The following ABCA13 variants were observed in gnomAD, a reference collection of about 807,000 sequenced individuals.
ABCA13 encodes the protein ATP binding cassette subfamily A member 13.
ABCA13 carries 476 observed loss-of-function variants against 478.7 expected under a neutral mutation model. The observed-to-expected ratio is 0.99, with a 90% CI of 0.92 to 1.07. The LOEUF (loss-of-function observed/expected upper bound fraction) is 1.07. ABCA13 is among the 50% of genes least tolerant of loss of function. The pLI is 0.00. For missense variants in ABCA13, 6,060 were observed against 5,910.6 expected (o/e 1.03, Z -0.83); for synonymous variants, 2,252 against 2,158.9 (o/e 1.04, Z -1.20).
intron 42 of ABCA13, among the ~76,000 whole-genome samples, chr7:48,453,854 C>T (rs1180014873): frequency 2.0e-5 from 3 of 152,176 alleles, no homozygotes; most frequent in Non-Finnish European, 2.9e-5. Context: ...AAGAGCCCAG[C>T]GCCTGCACAC....
intron 55 of ABCA13, among the ~76,000 whole-genome samples, chr7:48,532,074 T>C (rs1833277029): frequency 6.6e-6 from 1 of 152,086 alleles, no homozygotes; most frequent in Admixed American, 6.6e-5. Flanking sequence ...CTTGTCTTGT[T>C]CCAATTCTCA....
At chr7:48,606,127 G>A (rs1233410781) in intron 58 of ABCA13, among the ~76,000 whole-genome samples, 1 of 152,014 alleles carries the variant, frequency 6.6e-6, no homozygotes, top group Admixed American at 6.6e-5. Flanking sequence ...CTTTTTTCAA[G>A]GTTCTTAGCT....
intron 59 of ABCA13, among the ~76,000 whole-genome samples, chr7:48,616,288 G>A (rs1219541759): frequency 6.6e-6 from 1 of 152,126 alleles, no homozygotes; most frequent in African/African-American, 2.4e-5. Context: ...GCACTGCTGG[G>A]ATGGTCAGCC....
rs201669903 is a variant in ABCA13 at position 48,587,235 on chromosome 7, C to A, written c.14587C>A (p.Arg4863=). 1.2e-6 allele frequency: 2 copies of A among 1,612,222 alleles called. No homozygotes were observed. The highest frequency in any genetic ancestry group is 1.7e-5 in the Admixed American group (1 of 59,814). ...GGCCACCTACAGTGGGGGAACCAAG[C>A]GGAAACTCTCTACAGCCCTGGCCCT... is the stretch of plus-strand genomic sequence containing the variant. The part of the protein sequence containing the change: ...PVATYSGGTK[R]KLSTALALVG... Residue 4863 remains arginine, a synonymous_variant, in exon 57 of 62, where the codon CGG becomes AGG. Transcript: ENST00000435803.
Position 48,227,662 on chromosome 7 carries a change from C to T in ABCA13, c.632+237C>T, listed in dbSNP as rs146779465. Among the ~76,000 whole-genome samples, 577 of 152,074 alleles carry T rather than the reference C, an allele frequency of 3.8e-3. 4 individuals carry two copies. Among genetic ancestry groups the T allele is most frequent in the African/African-American group, 0.013 (549 of 41,486 alleles). On this transcript the variant is annotated intron_variant, in intron 6 of 61. Transcript: ENST00000435803. Reference sequence around the variant, plus strand: ...GTGCTCCCTGATTTAAAAAAGTCAGCGCCATATTTTAATATTTTGTATGTT... The same window carrying T: ...GTGCTCCCTGATTTAAAAAAGTCAGTGCCATATTTTAATATTTTGTATGTT...
chr7:48,200,119 C>T (rs767951342), intron 3 of ABCA13, among the ~76,000 whole-genome samples: 26 of 152,286 alleles, frequency 1.7e-4, no homozygotes, highest in South Asian at 4.2e-4. Context: ...AATTCCAGCA[C>T]TTTGGGAGGC....
At chr7:48,463,772 AGAACGGAATGGAATGGAATG>A (rs67442184) in intron 43 of ABCA13, among the ~76,000 whole-genome samples, 28,244 of 145,748 alleles carry the variant, frequency 0.19, 3,014 homozygotes, top group African/African-American at 0.3. Context: ...GGAAGGGAAA[AGAACGGAATGGAATGGAATG>A]GAATGGAATG....
At chr7:48,460,685 C>T (rs183432898) in intron 43 of ABCA13, among the ~76,000 whole-genome samples, 25 of 152,324 alleles carry the variant, frequency 1.6e-4, no homozygotes, top group Non-Finnish European at 2.5e-4. Flanking sequence ...TCTTCCTTAA[C>T]AAATACCACT....
rs1297519756 is a variant in ABCA13, at chr7:48,274,683, G to C, written c.5017G>C (p.Ala1673Pro). Residue 1673 changes from alanine (A) to proline (P), a missense_variant, in exon 17 of 62, where the codon GCA becomes CCA. By Grantham distance (27) the Ala-to-Pro change is conservative (BLOSUM62 -1). This residue lies in a region of ABCA13 where 4,423 missense variants were observed against 4,309.1 expected (regional missense o/e 1.03). Transcript: ENST00000435803. ...VTSVMRTLKK[A>P]DIDLLVDQLE... ...TTCTGTCATGCGTACCCTTAAGAAG[G>C]CAGACATAGACCTTTTAGTGGATCA... 1.2e-6 allele frequency: 2 copies of C among 1,613,952 alleles called. No homozygotes were observed. Among genetic ancestry groups the C allele is most frequent in the Admixed American group, 3.3e-5 (2 of 60,026 alleles).
chr7:48,353,983 C>T (rs1179243903), intron 31 of ABCA13, among the ~76,000 whole-genome samples: 1 of 151,966 alleles, frequency 6.6e-6, no homozygotes, highest in Admixed American at 6.6e-5. Context: ...ATTTTCTGCT[C>T]CTAAAGCATG....
intron 55 of ABCA13, among the ~76,000 whole-genome samples, chr7:48,558,576 A>T (rs1563435660): frequency 6.6e-6 from 1 of 152,008 alleles, no homozygotes; most frequent in Non-Finnish European, 1.5e-5. Flanking sequence ...GGGATTACAG[A>T]CATGAGCCAC....
chr7:48,472,487 G>T (rs1827603428), intron 45 of ABCA13, among the ~76,000 whole-genome samples: 1 of 152,192 alleles, frequency 6.6e-6, no homozygotes. Flanking sequence ...AGAAGCTCAA[G>T]TGAAATGGCC....
At chr7:48,263,178 A>G (rs1386272073) in intron 15 of ABCA13, among the ~76,000 whole-genome samples, 1 of 151,944 alleles carries the variant, frequency 6.6e-6, no homozygotes, top group Non-Finnish European at 1.5e-5. Flanking sequence ...GAATCAGAGT[A>G]TGCATTTTAA....
intron 13 of ABCA13, among the ~76,000 whole-genome samples, chr7:48,247,575 G>A (rs1406651701): frequency 1.3e-5 from 2 of 152,108 alleles, no homozygotes; most frequent in Admixed American, 6.6e-5. Context: ...CCGTGGGGTG[G>A]TTCTTCTGAT....
chr7:48,341,235 CTG>C (rs952973402), intron 29 of ABCA13, among the ~76,000 whole-genome samples: 1 of 152,184 alleles, frequency 6.6e-6, no homozygotes, highest in African/African-American at 2.4e-5. Flanking sequence ...GCTCCCAGCT[CTG>C]TGTGCCAACA....
chr7:48,443,376 A>G (rs940842390), intron 42 of ABCA13, among the ~76,000 whole-genome samples: 2 of 152,160 alleles, frequency 1.3e-5, no homozygotes, highest in African/African-American at 4.8e-5. Flanking sequence ...TGTTCATGCC[A>G]CTTGACTTGA....
chr7:48,279,919 A>T lies in ABCA13; in HGVS notation c.8725A>T (p.Ser2909Cys). The T allele has an allele frequency of 2.7e-6, 4 of 1,509,136 alleles. No homozygotes were observed. The highest frequency in any genetic ancestry group is 3.5e-6 in the Non-Finnish European group (4 of 1,132,488). 93.5% of individuals were successfully genotyped at this position (1,509,136 alleles called of 1,614,324 possible). A position where few individuals can be genotyped will look rare whatever the true frequency, so the allele number is the denominator to read the frequency against. Residue 2909 changes from serine (S) to cysteine (C), a missense_variant and splice_region_variant, in exon 18 of 62, where the codon AGT becomes TGT. By Grantham distance (112) the Ser-to-Cys change is moderately radical. Coordinates refer to ENST00000435803, the MANE Select transcript of ABCA13 (RefSeq NM_152701.5). ...YWQQIPLTDQ[S>C]VVEICEVFQQ... ...GCAACAAATCCCACTAACAGATCAAAGGTAATTAAAAAGCTGAATTCACTT... is the reference window on the plus strand; with the variant it reads ...GCAACAAATCCCACTAACAGATCAATGGTAATTAAAAAGCTGAATTCACTT...
At chr7:48,306,422 G>A (rs566797999) in intron 23 of ABCA13, among the ~76,000 whole-genome samples, 1 of 152,324 alleles carries the variant, frequency 6.6e-6, no homozygotes, top group African/African-American at 2.4e-5. Flanking sequence ...TGAAAAGCCA[G>A]GGTGATTCCC....
At chr7:48,357,357 G>T (rs926267074) in intron 31 of ABCA13, among the ~76,000 whole-genome samples, 1 of 151,916 alleles carries the variant, frequency 6.6e-6, no homozygotes, top group Non-Finnish European at 1.5e-5. Flanking sequence ...GCTCAGAGCT[G>T]CTGGAAGCCC....
Sources: allele counts gnomAD v4.1 joint callset (sites outside exome capture counted in the v4.1 genomes callset), GRCh38; gene constraint gnomAD v4.1.1; regional missense constraint gnomAD v4.1.1; transcripts MANE v1.5; gene names NCBI Gene and HGNC (gene_info 2026-07-23, HGNC 2026-07-21).